FANCB: variants seen among roughly 807,000 people sequenced by gnomAD.
FANCB encodes FA complementation group B, also known as Fanconi anemia group B protein.
FANCB carries 5 observed loss-of-function variants against 38.9 expected under a neutral mutation model. That is an observed-to-expected ratio of 0.13 (90% CI 0.07 to 0.27). FANCB has a LOEUF of 0.27. Among genes scored for constraint, FANCB ranks in the 10% least tolerant of loss-of-function variants. FANCB has a pLI of 1.00. For synonymous variants in FANCB, 236 were observed against 215.4 expected (o/e 1.10, Z -0.84); for missense variants, 573 against 602.7 (o/e 0.95, Z 0.52).
At chrX:14,784,907 CACAGGA>C in the FANCB span, among the ~76,000 whole-genome samples, 83 of 112,044 alleles carry the variant, frequency 7.4e-4, no homozygotes, top group African/African-American at 2.6e-3. Flanking sequence ...AGCAAATTAA[CACAGGA>C]ACAGAAAACC....
chrX:14,700,717 C>T, the FANCB span, among the ~76,000 whole-genome samples: 3 of 110,052 alleles, frequency 2.7e-5, no homozygotes, highest in South Asian at 1.2e-3. Flanking sequence ...TGAATGCAGC[C>T]ATTTTATCCA....
At chrX:14,835,029 G>C, downstream of FANCB, 1 of 587,703 alleles carries the variant, frequency 1.7e-6, no homozygotes, top group South Asian at 2.2e-5. Context: ...CTGTAAGAGC[G>C]CTGGTGGTGT....
At chrX:14,859,731 C>G (rs983128594) in intron 3 of FANCB, among the ~76,000 whole-genome samples, 2 of 111,636 alleles carry the variant, frequency 1.8e-5, no homozygotes, top group African/African-American at 6.5e-5. Context: ...TTAAGGATGA[C>G]CTTCATTCCC....
At chrX:14,704,905 T>G in the FANCB span, among the ~76,000 whole-genome samples, 1 of 111,822 alleles carries the variant, frequency 8.9e-6, no homozygotes, top group African/African-American at 3.2e-5. Flanking sequence ...TAATATGAGG[T>G]AGAGAATTTT....
the FANCB span, among the ~76,000 whole-genome samples, chrX:14,720,929 T>C: frequency 1.1e-4 from 12 of 109,771 alleles, no homozygotes; most frequent in African/African-American, 4.0e-4. Flanking sequence ...TCCAGGAGTT[T>C]GGGACCAGCC....
At chrX:14,775,134 C>T in the FANCB span, among the ~76,000 whole-genome samples, 1 of 99,868 alleles carries the variant, frequency 1.0e-5, no homozygotes, top group Admixed American at 1.1e-4. Context: ...ACCCGGCCTC[C>T]ACTCTGTTAT....
chrX:14,751,317 C>G, the FANCB span, among the ~76,000 whole-genome samples: 1 of 112,510 alleles, frequency 8.9e-6, no homozygotes, highest in South Asian at 3.6e-4. Flanking sequence ...TGAAAATGAA[C>G]AAACTGTAGC....
the FANCB span, among the ~76,000 whole-genome samples, chrX:14,797,017 A>G: frequency 9.0e-6 from 1 of 111,686 alleles, no homozygotes; most frequent in Non-Finnish European, 1.9e-5. Context: ...TCTTCAATCA[A>G]TCAGATGAGG....
chrX:14,788,924 T>G, the FANCB span, among the ~76,000 whole-genome samples: 1 of 111,802 alleles, frequency 8.9e-6, no homozygotes, highest in African/African-American at 3.3e-5. Context: ...AAAGGTGATC[T>G]TTCTTCAAAC....
chrX:14,714,235 G>C, the FANCB span, among the ~76,000 whole-genome samples: 1 of 110,779 alleles, frequency 9.0e-6, no homozygotes, highest in East Asian at 2.8e-4. Flanking sequence ...TCTCAAGTAG[G>C]GTTGATTTAC....
the FANCB span, among the ~76,000 whole-genome samples, chrX:14,781,803 G>A: frequency 1.2e-4 from 13 of 112,010 alleles, no homozygotes; most frequent in East Asian, 2.8e-4. Flanking sequence ...CTATTTCTGT[G>A]GGAGCCTAAA....
At chrX:14,831,930 A>T (rs1193792193), downstream of FANCB, among the ~76,000 whole-genome samples, 1 of 111,726 alleles carries the variant, frequency 9.0e-6, no homozygotes, top group Non-Finnish European at 1.9e-5. Flanking sequence ...AAAAAAAATT[A>T]AAAGATATTT....
At chrX:14,794,180 G>A in the FANCB span, among the ~76,000 whole-genome samples, 1 of 111,662 alleles carries the variant, frequency 9.0e-6, no homozygotes, top group Non-Finnish European at 1.9e-5. Flanking sequence ...GGCAGTAGAT[G>A]TGGAGAGGAG....
chrX:14,819,156 T>C, the FANCB span, among the ~76,000 whole-genome samples: 1 of 111,990 alleles, frequency 8.9e-6, no homozygotes, highest in Non-Finnish European at 1.9e-5. Flanking sequence ...TGGTTATGCA[T>C]TAGGCAGCTC....
chrX:14,816,174 G>T, the FANCB span, among the ~76,000 whole-genome samples: 1 of 111,399 alleles, frequency 9.0e-6, no homozygotes, highest in Admixed American at 9.5e-5. Flanking sequence ...AAATAAAAAA[G>T]AATTGAACAA....
chrX:14,788,964 A>C, the FANCB span, among the ~76,000 whole-genome samples: 1 of 112,219 alleles, frequency 8.9e-6, no homozygotes, highest in East Asian at 2.8e-4. Flanking sequence ...TTAAAAAAGA[A>C]CTTTTCTTCA....
At chrX:14,858,370 G>C (rs1376276894) in intron 4 of FANCB, among the ~76,000 whole-genome samples, 1 of 109,315 alleles carries the variant, frequency 9.1e-6, no homozygotes, top group Non-Finnish European at 1.9e-5. Context: ...ACTCCAGCCT[G>C]GGCATGACAG....
At chrX:14,760,336 G>T in the FANCB span, among the ~76,000 whole-genome samples, 1 of 111,736 alleles carries the variant, frequency 8.9e-6, no homozygotes, top group Non-Finnish European at 1.9e-5. Context: ...CTCATATGTG[G>T]AATCTAAAAA....
the FANCB span, among the ~76,000 whole-genome samples, chrX:14,815,680 G>A: frequency 8.9e-6 from 1 of 111,982 alleles, no homozygotes; most frequent in Non-Finnish European, 1.9e-5. Context: ...CTACCCAAAG[G>A]AAAAGCAATC....
Sources: gnomAD v4.1 joint callset for allele counts (sites outside exome capture counted in the v4.1 genomes callset) on GRCh38, gnomAD v4.1.1 for gene constraint, MANE v1.5 for transcripts, NCBI Gene and HGNC (gene_info 2026-07-23, HGNC 2026-07-21) for gene names.